Variants in SCAMP4 observed in about 807,000 individuals in gnomAD.
SCAMP4 encodes secretory carrier-associated membrane protein 4.
Under a neutral mutation model 32.1 loss-of-function variants are expected in SCAMP4, and 19 were observed. The ratio of observed to expected loss-of-function variants is 0.59; its 90% CI spans 0.41 to 0.87. The LOEUF (loss-of-function observed/expected upper bound fraction) is 0.87, where lower values mean the gene tolerates loss of function less well. Among genes scored for constraint, SCAMP4 ranks in the 40% least tolerant of loss-of-function variants. The pLI, the probability that SCAMP4 is intolerant of heterozygous loss-of-function variation, is 0.00. For synonymous variants in SCAMP4, 152 were observed against 132.7 expected (o/e 1.15, Z -1.00); for missense variants, 302 against 309.0 (o/e 0.98, Z 0.17).
chr19:1,924,617 G>A lies in SCAMP4; in HGVS notation c.*333G>A, dbSNP rs568009072. ...CAGGTCTCGAGGCCTGACTCCGGGG[G>A]ACAGGTGGCAGCAGGTCGGCCGCCC... On this transcript the variant is annotated 3_prime_UTR_variant, in exon 7 of 7. Coordinates refer to ENST00000316097, the MANE Select transcript of SCAMP4 (RefSeq NM_079834.4). 1.1e-4 allele frequency: 36 copies of A among 320,850 alleles called. No homozygotes were observed. The highest frequency in any genetic ancestry group is 6.9e-4 in the African/African-American group (33 of 48,172). 19.9% of individuals were successfully genotyped at this position (320,850 alleles called of 1,614,324 possible). A position where few individuals can be genotyped will look rare whatever the true frequency, so the allele number is the denominator to read the frequency against.
chr19:1,913,053 C>T, intron 1 of SCAMP4: 5 of 1,603,320 alleles, frequency 3.1e-6, no homozygotes, highest in African/African-American at 1.3e-5. Context: ...CCTGGGCACC[C>T]GCTTCCGCAT....
rs774397199 is a variant in SCAMP4, at chr19:1,909,104, GA to G, written c.-42+3678del. On this transcript the variant is annotated intron_variant, in intron 1 of 6. Coordinates refer to ENST00000316097, the MANE Select transcript of SCAMP4 (RefSeq NM_079834.4). ...TGGGCAACAGAGTGAGACTCTGTCTGAAAAAAAAAAAAATGTGGGCTGGGCA... is the reference window on the plus strand; with the variant it reads ...TGGGCAACAGAGTGAGACTCTGTCTGAAAAAAAAAAAATGTGGGCTGGGCA... 1.0e-2 allele frequency among the ~76,000 whole-genome samples: 1,295 copies of G among 129,600 alleles called. 17 individuals are homozygous for G. The highest frequency in any genetic ancestry group is 0.032 in the African/African-American group (1,102 of 34,918). 85.0% of individuals were successfully genotyped at this position (129,600 alleles called of 152,430 possible).
At chr19:1,911,579 G>A (rs1056418327) in intron 1 of SCAMP4, among the ~76,000 whole-genome samples, 3 of 152,158 alleles carry the variant, frequency 2.0e-5, no homozygotes, top group African/African-American at 4.8e-5. Flanking sequence ...TTAGGAGTTC[G>A]AGACCAGCCT....
chr19:1,924,629 C>G lies in SCAMP4; in HGVS notation c.*345C>G. The G allele has an allele frequency of 3.3e-6, 1 of 299,010 alleles. No individual in the cohort carries two copies. Among genetic ancestry groups the G allele is most frequent in the Non-Finnish European group, 6.7e-6 (1 of 150,018 alleles). The allele number at this position is 299,010 out of a possible 1,614,324, so 18.5% of individuals were successfully genotyped here. A position where few individuals can be genotyped will look rare whatever the true frequency, so the allele number is the denominator to read the frequency against. Reference sequence around the variant, plus strand: ...CCTGACTCCGGGGGACAGGTGGCAGCAGGTCGGCCGCCCTCCCGTCCTCCC... The same window carrying G: ...CCTGACTCCGGGGGACAGGTGGCAGGAGGTCGGCCGCCCTCCCGTCCTCCC... On this transcript the variant is annotated 3_prime_UTR_variant, in exon 7 of 7. Coordinates refer to ENST00000316097, the MANE Select transcript of SCAMP4 (RefSeq NM_079834.4).
chr19:1,919,726 C>G (rs1235464359), intron 5 of SCAMP4, among the ~76,000 whole-genome samples: 1 of 151,744 alleles, frequency 6.6e-6, no homozygotes, highest in Non-Finnish European at 1.5e-5. Flanking sequence ...ATCGAACTCC[C>G]GAGCTCAGGC....
rs553833805 is a variant in SCAMP4 at position 1,908,745 on chromosome 19, C to T, written c.-42+3306C>T. The stretch of plus-strand genomic sequence containing the variant: ...AACTCCTGTGCTTAAGTGATCCTCT[C>T]GCCTTGGTCTCCTGAGTAGCTGGGA... On this transcript the variant is annotated intron_variant, in intron 1 of 6. Coordinates refer to ENST00000316097, the MANE Select transcript of SCAMP4 (RefSeq NM_079834.4). The surrounding 1 kb of genome is among the most constrained non-coding windows in gnomAD (Gnocchi z 4.2). 4.0e-4 allele frequency: 146 copies of T among 364,232 alleles called. 1 individual carries two copies. In the Admixed American group the frequency reaches 4.8e-3, roughly 12 times the overall value. The allele number at this position is 364,232 out of a possible 1,614,324, so 22.6% of individuals were successfully genotyped here. A position where few individuals can be genotyped will look rare whatever the true frequency, so the allele number is the denominator to read the frequency against.
chr19:1,924,172 G>T lies in SCAMP4; in HGVS notation c.578G>T (p.Gly193Val). The T allele has an allele frequency of 6.2e-7, 1 of 1,611,852 alleles. No individual in the cohort carries two copies. The highest frequency in any genetic ancestry group is 8.5e-7 in the Non-Finnish European group (1 of 1,179,012). The change falls in exon 7 of 7, where the codon GGC (glycine) becomes GTC (valine). Residue 193 changes from glycine (G) to valine (V), a missense_variant. Physicochemically the swap from Gly to Val is moderately radical, Grantham distance 109. Transcript: ENST00000316097. ...AAGGCACAGACGGAGTGGAACACGG[G>T]CACTTGGCGGAACCCACCGTCGAGG... ...FQKAQTEWNTGTWRNPPSREA... is the reference protein window; with the variant it reads ...FQKAQTEWNTVTWRNPPSREA...
At position 1,908,676 on chromosome 19, in the gene SCAMP4, GA is replaced by G. The variant is rs1246531877; in HGVS notation, c.-42+3243del. The G allele has an allele frequency of 2.3e-6, 1 of 429,302 alleles. No individual in the cohort carries two copies. Among genetic ancestry groups the G allele is most frequent in the Non-Finnish European group, 4.7e-6 (1 of 213,594 alleles). The allele number at this position is 429,302 out of a possible 1,614,324, so 26.6% of individuals were successfully genotyped here. The stretch of plus-strand genomic sequence containing the variant: ...GGATTTTATTATTATTTATTTATTT[GA>G]AAAAAGGAACAGGGTCTCTCTATCT... On this transcript the variant is annotated intron_variant, in intron 1 of 6. Transcript: ENST00000316097. This position sits in a 1 kb window ranked among gnomAD's most constrained non-coding sequence, Gnocchi z 4.2.
chr19:1,919,033 A>T, intron 5 of SCAMP4, 43 bp downstream of exon 5: 1 of 1,570,332 alleles, frequency 6.4e-7, no homozygotes, highest in Non-Finnish European at 8.6e-7. Context: ...GATGTGGCTC[A>T]GCTGCCAGGT....
chr19:1,912,864 C>T lies in SCAMP4; in HGVS notation c.-41-2115C>T, dbSNP rs1302754010. ...CTGCTCCTTCGCCCCGGCCGCTGCC[C>T]CCCAGGCCGTCCGCGCAGGCGCCGT... is the stretch of plus-strand genomic sequence containing the variant. On this transcript the variant is annotated intron_variant, in intron 1 of 6. Coordinates refer to ENST00000316097, the MANE Select transcript of SCAMP4 (RefSeq NM_079834.4). 2.5e-6 allele frequency: 4 copies of T among 1,600,200 alleles called. No homozygotes were observed. In the South Asian group the frequency reaches 4.4e-5, roughly 18 times the overall value.
Position 1,925,122 on chromosome 19 carries a change from G to T in SCAMP4, c.*838G>T, listed in dbSNP as rs1047068902. 10 of 150,140 alleles carry T rather than the reference G, an allele frequency of 6.7e-5. No homozygotes were observed. The highest frequency in any genetic ancestry group is 2.2e-4 in the African/African-American group (9 of 40,666). The allele number at this position is 150,140 out of a possible 1,614,324, so 9.3% of individuals were successfully genotyped here. A position where few individuals can be genotyped will look rare whatever the true frequency, so the allele number is the denominator to read the frequency against. On this transcript the variant is annotated 3_prime_UTR_variant, in exon 7 of 7. Transcript: ENST00000316097. ...TTTTGTTTTTTCTCTTTTGAGACAA[G>T]AGTTTCACTCTGTCGCCCAGGCTGG...
rs1351121450 is a variant in SCAMP4 at position 1,924,016 on chromosome 19, T to C, written c.514-92T>C. ...CTCAGACAGTCTGTCTGCCTCGGCC[T>C]CCCGAAGTGCTGGGATGACAGGCGT... On this transcript the variant is annotated intron_variant, in intron 6 of 6. Coordinates refer to ENST00000316097, the MANE Select transcript of SCAMP4 (RefSeq NM_079834.4). 7.9e-6 allele frequency: 7 copies of C among 891,718 alleles called. No homozygotes were observed. The East Asian group carries it at 1.5e-4, about 19-fold the overall frequency. The allele number at this position is 891,718 out of a possible 1,614,324, so 55.2% of individuals were successfully genotyped here.
chr19:1,915,147 C>T (rs1599247215), intron 2 of SCAMP4, 121 bp downstream of exon 2: 1 of 1,217,094 alleles, frequency 8.2e-7, no homozygotes, highest in East Asian at 2.3e-5. Flanking sequence ...CACCTGGCCT[C>T]TGACTCCTCG....
intron 5 of SCAMP4, chr19:1,921,101 T>C (rs2013905895): frequency 1.0e-6 from 1 of 985,234 alleles, no homozygotes; most frequent in African/African-American, 1.7e-5. Flanking sequence ...CACAGCGACT[T>C]CATGTCCACC....
At chr19:1,914,363 G>T (rs2013654593) in intron 1 of SCAMP4, among the ~76,000 whole-genome samples, 1 of 152,022 alleles carries the variant, frequency 6.6e-6, no homozygotes, top group South Asian at 2.1e-4. Flanking sequence ...CTGGCCCCGT[G>T]CCCGCCCCCT....
intron 2 of SCAMP4, among the ~76,000 whole-genome samples, chr19:1,916,252 G>A (rs2013730066): frequency 6.6e-6 from 1 of 150,480 alleles, no homozygotes; most frequent in Non-Finnish European, 1.5e-5. Context: ...AAAAAAAAAA[G>A]ACATGGAGAT....
In SCAMP4 at chr19:1,918,298, C is replaced by CG. The variant is rs757955097; in HGVS notation, c.293+20dup. On this transcript the variant is annotated intron_variant, in intron 4 of 6. Transcript: ENST00000316097. Reference sequence around the variant, plus strand: ...AAGGCCTTCCGGTGAGCAGAGCTGCCGGGGGCCGTCTGCACCCAGAGGGAA... The same window carrying CG: ...AAGGCCTTCCGGTGAGCAGAGCTGCCGGGGGGCCGTCTGCACCCAGAGGGAA... 3.2e-6 allele frequency: 5 copies of CG among 1,580,780 alleles called. No individual in the cohort carries two copies. In the South Asian group the frequency reaches 5.7e-5, roughly 18 times the overall value.
At chr19:1,910,324 C>T (rs1410090082) in intron 1 of SCAMP4, among the ~76,000 whole-genome samples, 1 of 152,220 alleles carries the variant, frequency 6.6e-6, no homozygotes, top group Non-Finnish European at 1.5e-5. Context: ...AGTTCCTGGC[C>T]ACATGGCCCT....
chr19:1,915,122 A>T, intron 2 of SCAMP4, 96 bp downstream of exon 2: 1 of 1,433,820 alleles, frequency 7.0e-7, no homozygotes, highest in Non-Finnish European at 9.8e-7. Flanking sequence ...GTTGGCAAAC[A>T]GTGTCCTCCT....
Sources: allele counts gnomAD v4.1 joint callset (sites outside exome capture counted in the v4.1 genomes callset), GRCh38; gene constraint gnomAD v4.1.1; non-coding constraint Gnocchi (gnomAD v3.1); transcripts MANE v1.5; gene names NCBI Gene and HGNC (gene_info 2026-07-23, HGNC 2026-07-21).